ITGB3BP: variants seen among roughly 807,000 people sequenced by gnomAD.
ITGB3BP encodes integrin subunit beta 3 binding protein, also known as centromere protein R.
ITGB3BP carries 27 observed loss-of-function variants against 29.1 expected under a neutral mutation model. The observed-to-expected ratio is 0.93, with a 90% CI of 0.68 to 1.28. The LOEUF (loss-of-function observed/expected upper bound fraction) is 1.28. Ranked by LOEUF, ITGB3BP falls within the 50% of genes most tolerant of loss-of-function variation. The probability of loss-of-function intolerance (pLI) is 0.00; values close to 1 mark genes in which losing one functional copy is unlikely to be tolerated. For missense variants in ITGB3BP, 192 were observed against 200.2 expected, an observed-to-expected ratio of 0.96 and a Z score of 0.25; for synonymous variants, 61 against 61.4, an observed-to-expected ratio of 0.99 and a Z score of 0.03.
chr1:63,477,081 G>A (rs1336593482), intron 4 of ITGB3BP, among the ~76,000 whole-genome samples: 1 of 152,184 alleles, frequency 6.6e-6, no homozygotes, highest in African/African-American at 2.4e-5. Flanking sequence ...GGAGCTGGAG[G>A]AGCAGCATGT....
intron 1 of ITGB3BP, among the ~76,000 whole-genome samples, chr1:63,511,606 T>C (rs1178372160): frequency 6.6e-6 from 1 of 151,802 alleles, no homozygotes; most frequent in African/African-American, 2.4e-5. Flanking sequence ...TATTCAGCTT[T>C]AAAAAAAAGA....
chr1:63,454,893 T>C lies in ITGB3BP; in HGVS notation c.330A>G (p.Ile110Met). ...IMEIMQNLSSIQALEGSRELE... is the reference protein window; with the variant it reads ...IMEIMQNLSSMQALEGSRELE... ...AGAAGTATGAAAAAATGCAAACCTGTATACTACTTAAATTTTGCATTATCT... is the reference window on the plus strand; with the variant it reads ...AGAAGTATGAAAAAATGCAAACCTGCATACTACTTAAATTTTGCATTATCT... Residue 110 changes from isoleucine (I) to methionine (M), a missense_variant, in exon 5 of 9, where the codon ATA becomes ATG. Physicochemically the swap from Ile to Met is conservative, Grantham distance 10 (BLOSUM62 1). Transcript: ENST00000271002. This position sits in a 1 kb window ranked among gnomAD's most constrained non-coding sequence, Gnocchi z 4.1. 1.4e-6 allele frequency: 2 copies of C among 1,475,520 alleles called. No homozygotes were observed. The highest frequency in any genetic ancestry group is 1.1e-5 in the South Asian group (1 of 87,684). The allele number at this position is 1,475,520 out of a possible 1,614,324, so 91.4% of individuals were successfully genotyped here. A position where few individuals can be genotyped will look rare whatever the true frequency, so the allele number is the denominator to read the frequency against.
intron 3 of ITGB3BP, among the ~76,000 whole-genome samples, chr1:63,487,820 G>A (rs928838895): frequency 3.7e-4 from 56 of 151,970 alleles, no homozygotes; most frequent in Non-Finnish European, 7.4e-5. Flanking sequence ...GACTAGCAGC[G>A]AGCTAGGTTT....
intron 3 of ITGB3BP, among the ~76,000 whole-genome samples, chr1:63,480,361 T>C (rs1342834025): frequency 1.3e-5 from 2 of 152,170 alleles, no homozygotes; most frequent in African/African-American, 4.8e-5. Context: ...TCTAGAGTAC[T>C]TTATACTACC....
rs75051756 is a variant in ITGB3BP at position 63,495,376 on chromosome 1, G to A, written c.49-5158C>T. Among the ~76,000 whole-genome samples, 101 of 152,238 alleles carry A rather than the reference G, an allele frequency of 6.6e-4. 1 individual carries two copies. In the East Asian group the frequency reaches 0.018, roughly 27 times the overall value. On this transcript the variant is annotated intron_variant, in intron 2 of 8. Transcript: ENST00000271002. Reference sequence around the variant, plus strand: ...AATAAGATTTTCCAAAGAGAATGAAGAATCATGAAGTCTTTAAACAATTAC... The same window carrying A: ...AATAAGATTTTCCAAAGAGAATGAAAAATCATGAAGTCTTTAAACAATTAC...
chr1:63,505,244 G>A (rs1161475730), intron 2 of ITGB3BP, among the ~76,000 whole-genome samples: 1 of 152,174 alleles, frequency 6.6e-6, no homozygotes, highest in Non-Finnish European at 1.5e-5. Context: ...TCTTGGGAGG[G>A]TGTATGTGTC....
intron 3 of ITGB3BP, among the ~76,000 whole-genome samples, chr1:63,487,105 T>C (rs912625928): frequency 6.6e-6 from 1 of 152,074 alleles, no homozygotes; most frequent in Non-Finnish European, 1.5e-5. Flanking sequence ...ATAATAAATT[T>C]GTGTATGTTT....
At chr1:63,455,403 T>C (rs1644918800) in intron 4 of ITGB3BP, among the ~76,000 whole-genome samples, 1 of 152,086 alleles carries the variant, frequency 6.6e-6, no homozygotes, top group South Asian at 2.1e-4. Flanking sequence ...AAAATGCTTC[T>C]AGTTTAAAAA....
At chr1:63,505,310 T>C (rs1236705720) in intron 2 of ITGB3BP, among the ~76,000 whole-genome samples, 3 of 152,230 alleles carry the variant, frequency 2.0e-5, no homozygotes, top group Non-Finnish European at 2.9e-5. Flanking sequence ...GAGGTGTTTA[T>C]AGTATTCTCT....
intron 2 of ITGB3BP, among the ~76,000 whole-genome samples, chr1:63,491,044 AG>A (rs1645634911): frequency 6.6e-6 from 1 of 152,116 alleles, no homozygotes; most frequent in Non-Finnish European, 1.5e-5. Context: ...TTCAGTCACT[AG>A]GCTATGTGCA....
intron 1 of ITGB3BP, among the ~76,000 whole-genome samples, chr1:63,514,089 T>C (rs1646258745): frequency 6.6e-6 from 1 of 152,224 alleles, no homozygotes; most frequent in African/African-American, 2.4e-5. Flanking sequence ...TTTTCCAGCA[T>C]AGATTACTTT....
At chr1:63,510,947 A>G (rs1263483351) in intron 1 of ITGB3BP, among the ~76,000 whole-genome samples, 2 of 152,220 alleles carry the variant, frequency 1.3e-5, no homozygotes, top group Non-Finnish European at 2.9e-5. Flanking sequence ...AAGGAAGAAT[A>G]GGTAAAATTT....
intron 1 of ITGB3BP, among the ~76,000 whole-genome samples, chr1:63,515,271 AT>A (rs746588032): frequency 2.4e-4 from 37 of 152,242 alleles, no homozygotes; most frequent in Non-Finnish European, 5.0e-4. Context: ...ATCTTCTGTT[AT>A]CCCCACTGAG....
intron 4 of ITGB3BP, among the ~76,000 whole-genome samples, chr1:63,459,208 T>C (rs1192226756): frequency 2.6e-5 from 4 of 152,194 alleles, no homozygotes; most frequent in Admixed American, 6.5e-5. Context: ...CTGCTCAACA[T>C]GACAGCCTAA....
At chr1:63,460,169 A>C (rs927866173) in intron 4 of ITGB3BP, among the ~76,000 whole-genome samples, 2 of 152,212 alleles carry the variant, frequency 1.3e-5, no homozygotes. Flanking sequence ...TTGTCATTTT[A>C]AACATTTTTA....
intron 1 of ITGB3BP, among the ~76,000 whole-genome samples, chr1:63,511,308 G>T (rs1006598494): frequency 6.6e-6 from 1 of 152,100 alleles, no homozygotes. Flanking sequence ...GTGTTGGTGA[G>T]GATGTAGAGA....
At chr1:63,453,894 AT>A in intron 7 of ITGB3BP, 23 bp downstream of exon 7, 1 of 1,428,610 alleles carries the variant, frequency 7.0e-7, no homozygotes, top group Non-Finnish European at 9.8e-7. Flanking sequence ...TCTTTATGTA[AT>A]AAACTAAAAC....
At chr1:63,496,916 A>C (rs1304833427) in intron 2 of ITGB3BP, among the ~76,000 whole-genome samples, 1 of 152,262 alleles carries the variant, frequency 6.6e-6, no homozygotes, top group African/African-American at 2.4e-5. Flanking sequence ...GAAGTTGTCT[A>C]CATATGCAAT....
chr1:63,477,959 T>TA (rs939776888), intron 4 of ITGB3BP, among the ~76,000 whole-genome samples: 1 of 152,198 alleles, frequency 6.6e-6, no homozygotes, highest in Non-Finnish European at 1.5e-5. Context: ...CTCCTGCAGA[T>TA]ACCAAAATCC....
Sources: allele counts gnomAD v4.1 joint callset (sites outside exome capture counted in the v4.1 genomes callset), GRCh38; gene constraint gnomAD v4.1.1; non-coding constraint Gnocchi (gnomAD v3.1); transcripts MANE v1.5; gene names NCBI Gene and HGNC (gene_info 2026-07-23, HGNC 2026-07-21).